PCDH15: variants seen among roughly 807,000 people sequenced by gnomAD.
The protein encoded by PCDH15 is protocadherin related 15.
A neutral mutation model predicts 178.5 loss-of-function variants in PCDH15; 129 were observed. The observed-to-expected ratio is 0.72, with a 90% CI of 0.63 to 0.84. PCDH15 has a LOEUF of 0.84. Ranked by LOEUF, PCDH15 falls within the 40% of genes least tolerant of loss-of-function variation. The pLI is 0.00. For missense variants in PCDH15, 2,230 were observed against 2,099.9 expected (o/e 1.06, Z -1.21); for synonymous variants, 800 against 732.0 (o/e 1.09, Z -1.50).
chr10:54,661,847 T>G (rs942883199), intron 2 of PCDH15, among the ~76,000 whole-genome samples: 1 of 151,900 alleles, frequency 6.6e-6, no homozygotes, highest in Non-Finnish European at 1.5e-5. Flanking sequence ...AAAACTTGCT[T>G]GCTAAATGCA....
intron 8 of PCDH15, among the ~76,000 whole-genome samples, chr10:54,275,475 G>A (rs141756757): frequency 5.6e-4 from 85 of 151,908 alleles, no homozygotes; most frequent in African/African-American, 2.0e-3. Flanking sequence ...TGCCCCTGAT[G>A]ATATGCCAAT....
intron 32 of PCDH15, chr10:53,821,873 T>G (rs370042818): frequency 5.0e-6 from 8 of 1,613,302 alleles, no homozygotes; most frequent in Non-Finnish European, 6.8e-6. Context: ...GTGAAGTAGA[T>G]TGACTGTGAG....
intron 1 of PCDH15, among the ~76,000 whole-genome samples, chr10:55,275,933 A>G (rs1842584409): frequency 6.6e-6 from 1 of 151,390 alleles, no homozygotes; most frequent in South Asian, 2.1e-4. Context: ...GCTCTTCTTC[A>G]GGTATTTTCA....
chr10:53,903,173 C>T, intron 26 of PCDH15, 70 bp downstream of exon 26: 5 of 1,579,458 alleles, frequency 3.2e-6, no homozygotes, highest in Non-Finnish European at 4.3e-6. Context: ...ATGCAAACTA[C>T]AGGCTTACAG....
chr10:54,858,326 G>A (rs1953777533), intron 3 of PCDH15, among the ~76,000 whole-genome samples: 2 of 152,102 alleles, frequency 1.3e-5, no homozygotes, highest in Admixed American at 6.6e-5. Flanking sequence ...AGACACTTCA[G>A]TTGATTCCAC....
chr10:54,533,834 C>T (rs556354152), intron 2 of PCDH15, among the ~76,000 whole-genome samples: 1 of 152,206 alleles, frequency 6.6e-6, no homozygotes, highest in East Asian at 1.9e-4. Flanking sequence ...TTAACCATTT[C>T]AAATCTTTGG....
intron 20 of PCDH15, among the ~76,000 whole-genome samples, chr10:54,012,277 A>G (rs2092611427): frequency 6.6e-6 from 1 of 152,176 alleles, no homozygotes; most frequent in Non-Finnish European, 1.5e-5. Context: ...AAAACCCCTG[A>G]AACATATGGG....
chr10:55,245,241 A>G (rs2132216957), intron 1 of PCDH15, among the ~76,000 whole-genome samples: 1 of 152,282 alleles, frequency 6.6e-6, no homozygotes, highest in Admixed American at 6.5e-5. Context: ...ACTTGTCTTC[A>G]CTTAGAAACA....
chr10:54,258,735 G>A (rs1173727760), intron 8 of PCDH15, among the ~76,000 whole-genome samples: 1 of 151,986 alleles, frequency 6.6e-6, no homozygotes, highest in Non-Finnish European at 1.5e-5. Flanking sequence ...CGTGAATAAA[G>A]TCTGAAGACT....
At chr10:55,165,083 G>T (rs1483922134) in intron 2 of PCDH15, among the ~76,000 whole-genome samples, 1 of 151,966 alleles carries the variant, frequency 6.6e-6, no homozygotes, top group African/African-American at 2.4e-5. Context: ...TTATTTGAAT[G>T]TCCTGAAAGA....
chr10:54,468,976 G>T (rs1427446778), intron 3 of PCDH15, among the ~76,000 whole-genome samples: 6 of 151,578 alleles, frequency 4.0e-5, no homozygotes, highest in Non-Finnish European at 7.4e-5. Flanking sequence ...TCATTTTTTT[G>T]CTTCCATTTG....
intron 20 of PCDH15, among the ~76,000 whole-genome samples, chr10:53,999,052 CAAAA>C (rs33951115): frequency 1.1e-4 from 10 of 92,498 alleles, no homozygotes; most frequent in Admixed American, 1.1e-4. Flanking sequence ...TACTCAGTCT[CAAAA>C]AAAAAAAAAA....
intron 3 of PCDH15, among the ~76,000 whole-genome samples, chr10:54,384,031 G>T (rs1263585329): frequency 7.0e-6 from 1 of 142,636 alleles, no homozygotes; most frequent in Non-Finnish European, 1.5e-5. Flanking sequence ...ATGGGGTTCC[G>T]CCATGTTGGC....
intron 2 of PCDH15, among the ~76,000 whole-genome samples, chr10:55,584,106 A>T (rs555621599): frequency 4.4e-4 from 67 of 151,898 alleles, no homozygotes; most frequent in African/African-American, 1.4e-3. Flanking sequence ...CTGGACAATA[A>T]CTCTTGTGCT....
chr10:54,777,540 A>G (rs1033076605), intron 1 of PCDH15, among the ~76,000 whole-genome samples: 16 of 152,212 alleles, frequency 1.1e-4, no homozygotes, highest in African/African-American at 3.6e-4. Flanking sequence ...CATTCCCAAC[A>G]GTCACAGAAG....
chr10:53,826,318 C>G, intron 32 of PCDH15, among the ~76,000 whole-genome samples: 1 of 151,956 alleles, frequency 6.6e-6, no homozygotes, highest in East Asian at 1.9e-4. Flanking sequence ...ATTAATACGA[C>G]TATCCTAAAC....
intron 3 of PCDH15, among the ~76,000 whole-genome samples, chr10:54,436,166 G>A (rs1348335057): frequency 6.6e-6 from 1 of 151,200 alleles, no homozygotes; most frequent in East Asian, 1.9e-4. Context: ...AGAAAGGAAG[G>A]AAGGAAGAAG....
intron 1 of PCDH15, among the ~76,000 whole-genome samples, chr10:55,217,121 A>G (rs1169057059): frequency 2.0e-5 from 3 of 151,944 alleles, no homozygotes; most frequent in African/African-American, 4.8e-5. Context: ...ATTCAGCTGA[A>G]TGAACATTGG....
intron 25 of PCDH15, among the ~76,000 whole-genome samples, chr10:53,904,231 T>C (rs1008054827): frequency 6.6e-6 from 1 of 152,222 alleles, no homozygotes; most frequent in Non-Finnish European, 1.5e-5. Flanking sequence ...GTATTGCTAA[T>C]GTATTACATA....
Sources: allele counts gnomAD v4.1 joint callset (sites outside exome capture counted in the v4.1 genomes callset), GRCh38; gene constraint gnomAD v4.1.1; transcripts MANE v1.5; gene names NCBI Gene and HGNC (gene_info 2026-07-23, HGNC 2026-07-21).